The following ARHGEF10 variants were observed in gnomAD, a reference collection of about 807,000 sequenced individuals.
The protein encoded by ARHGEF10 is Rho guanine nucleotide exchange factor 10, also known as Rho guanine nucleotide exchange factor (GEF) 10.
A neutral mutation model predicts 147.4 loss-of-function variants in ARHGEF10; 140 were observed. The ratio of observed to expected loss-of-function variants is 0.95; its 90% CI spans 0.83 to 1.09. ARHGEF10 has a LOEUF of 1.09. Ranked by LOEUF, ARHGEF10 falls within the 50% of genes least tolerant of loss-of-function variation. The pLI is 0.00. For missense variants in ARHGEF10, 2,222 were observed against 1,752.7 expected (o/e 1.27, Z -4.78); for synonymous variants, 902 against 695.8 (o/e 1.30, Z -4.67).
chr8:1,924,181 G>T (rs112424374), intron 21 of ARHGEF10, among the ~76,000 whole-genome samples: 79 of 152,294 alleles, frequency 5.2e-4, no homozygotes, highest in African/African-American at 1.8e-3. Context: ...TGAGCCAGGT[G>T]CTCAAGGCGG....
At chr8:1,832,395 CAGAGAGAGGCAGAGGCAGAGACAG>C (rs1803182498) in intron 1 of ARHGEF10, among the ~76,000 whole-genome samples, 1 of 44,470 alleles carries the variant, frequency 2.2e-5, no homozygotes, top group Admixed American at 2.1e-4. Context: ...GAGGCAGAGA[CAGAGAGAGGCAGAGGCAGAGACAG>C]AGAGAGACAG....
chr8:1,930,815 C>T (rs1052386842), intron 25 of ARHGEF10, among the ~76,000 whole-genome samples: 1 of 152,026 alleles, frequency 6.6e-6, no homozygotes, highest in South Asian at 2.1e-4. Flanking sequence ...AAGGCCTGGA[C>T]TTCTTTCTCA....
chr8:1,909,343 G>C lies in ARHGEF10; in HGVS notation c.2016G>C (p.Lys672Asn). 8 of 1,614,236 alleles carry C rather than the reference G, an allele frequency of 5.0e-6. No individual in the cohort carries two copies. Among genetic ancestry groups the C allele is most frequent in the Non-Finnish European group, 5.9e-6 (7 of 1,180,040 alleles). ...RVMSSQRYLLKWSVPLGHVDA... is the reference protein window; with the variant it reads ...RVMSSQRYLLNWSVPLGHVDA... ...TGAGCAGCCAGAGGTACTTGCTGAA[G>C]TGGAGCGTTCCACTGGGACATGTGG... The change falls in exon 18 of 29, where the codon AAG becomes AAC. Residue 672 changes from lysine to asparagine, a missense_variant. Coordinates refer to ENST00000349830, the MANE Select transcript of ARHGEF10 (RefSeq NM_014629.4).
intron 7 of ARHGEF10, chr8:1,870,673 A>T (rs989021045): frequency 6.6e-6 from 1 of 152,252 alleles, no homozygotes; most frequent in African/African-American, 2.4e-5. Context: ...GATATATAAC[A>T]GTTCTAAACT....
rs78085261 is a variant in ARHGEF10, at chr8:1,834,953, C to T, written c.-47-8400C>T. On this transcript the variant is annotated intron_variant, in intron 1 of 28. Transcript: ENST00000349830. ...CTCCCGGGGTCTGTCCGCGGGGCCA[C>T]TTCACCCCCAGGTGGGAGGATGGAG... Among the ~76,000 whole-genome samples the T allele has an allele frequency of 9.7e-3, 1,481 of 152,332 alleles. 56 individuals carry two copies. Among genetic ancestry groups the T allele is most frequent in the East Asian group, 0.081 (417 of 5,164 alleles).
chr8:1,876,370 C>T (rs1807700964), intron 7 of ARHGEF10: 1 of 619,242 alleles, frequency 1.6e-6, no homozygotes, highest in South Asian at 1.9e-5. Flanking sequence ...TTTTCCCCAG[C>T]CTCCCCGGCC....
chr8:1,912,525 G>T (rs891792171), intron 18 of ARHGEF10, among the ~76,000 whole-genome samples: 1 of 152,060 alleles, frequency 6.6e-6, no homozygotes, highest in South Asian at 2.1e-4. Context: ...AGCACCGTGT[G>T]GATTGTGGGT....
intron 7 of ARHGEF10, 92 bp from the exon 8 acceptor site, chr8:1,876,479 C>G (rs998951746): frequency 1.5e-6 from 2 of 1,306,866 alleles, no homozygotes; most frequent in Non-Finnish European, 2.2e-6. Context: ...CCACCCCCAG[C>G]TCTAGATGAT....
intron 11 of ARHGEF10, among the ~76,000 whole-genome samples, chr8:1,887,400 G>C (rs1366073996): frequency 1.3e-5 from 2 of 152,214 alleles, no homozygotes; most frequent in African/African-American, 2.4e-5. Context: ...GAGTGTGAAA[G>C]AGGCGATGCC....
In ARHGEF10 at chr8:1,929,937, C is replaced by T. The variant is rs149674959; in HGVS notation, c.3079+494C>T. 4.6e-3 allele frequency among the ~76,000 whole-genome samples: 700 copies of T among 152,330 alleles called. 4 individuals carry two copies. Among genetic ancestry groups the T allele is most frequent in the East Asian group, 0.032 (163 of 5,170 alleles). ...AGACGAGGCCCTCCCTGGCCCATCC[C>T]GCCTGGTCCCCGCAGCCGCTGGGGG... is the stretch of plus-strand genomic sequence containing the variant. On this transcript the variant is annotated intron_variant, in intron 25 of 28. Coordinates refer to ENST00000349830, the MANE Select transcript of ARHGEF10 (RefSeq NM_014629.4).
chr8:1,920,373 A>AGT (rs1221620868), intron 18 of ARHGEF10, among the ~76,000 whole-genome samples: 18 of 152,160 alleles, frequency 1.2e-4, no homozygotes, highest in Admixed American at 2.6e-4. Flanking sequence ...CCCAGGCTGG[A>AGT]GTGCAGTGGC....
chr8:1,864,010 C>T (rs1386017345), intron 4 of ARHGEF10, among the ~76,000 whole-genome samples: 3 of 151,928 alleles, frequency 2.0e-5, no homozygotes, highest in Admixed American at 2.0e-4. Context: ...AGAGAACATC[C>T]CGTTTCTTTC....
chr8:1,841,577 G>C (rs141741358), intron 1 of ARHGEF10, among the ~76,000 whole-genome samples: 1 of 152,098 alleles, frequency 6.6e-6, no homozygotes, highest in Non-Finnish European at 1.5e-5. Context: ...GAGTGAACAC[G>C]CGGCTCCCTG....
chr8:1,826,589 A>G (rs545854239), intron 1 of ARHGEF10, among the ~76,000 whole-genome samples: 107 of 152,298 alleles, frequency 7.0e-4, no homozygotes, highest in African/African-American at 2.5e-3. Context: ...CGAAGTTGCT[A>G]GAAGGCGTTG....
At chr8:1,880,732 G>A (rs1347623492) in intron 9 of ARHGEF10, among the ~76,000 whole-genome samples, 3 of 152,292 alleles carry the variant, frequency 2.0e-5, no homozygotes, top group African/African-American at 4.8e-5. Flanking sequence ...TGTTCTGAGC[G>A]ATGTCTTTTA....
chr8:1,903,764 A>C, intron 16 of ARHGEF10: 1 of 418,972 alleles, frequency 2.4e-6, no homozygotes, highest in Non-Finnish European at 4.4e-6. Flanking sequence ...TTTCAAAATA[A>C]CGGTATTTAA....
intron 10 of ARHGEF10, among the ~76,000 whole-genome samples, chr8:1,884,175 C>T (rs1231725459): frequency 7.9e-5 from 12 of 152,014 alleles, no homozygotes; most frequent in African/African-American, 2.9e-4. Context: ...GGGCAGATCA[C>T]GAGGTCAGGA....
At chr8:1,830,036 A>G (rs966472766) in intron 1 of ARHGEF10, among the ~76,000 whole-genome samples, 1 of 152,220 alleles carries the variant, frequency 6.6e-6, no homozygotes, top group Non-Finnish European at 1.5e-5. Flanking sequence ...GCTCTCTGCC[A>G]GCCGTCAGAG....
chr8:1,882,780 G>C (rs753701151), intron 10 of ARHGEF10, 31 bp downstream of exon 10: 1 of 1,428,984 alleles, frequency 7.0e-7, no homozygotes, highest in Non-Finnish European at 9.5e-7. Flanking sequence ...TTGCGGGGAG[G>C]ACACGGGGTT....
Sources: gnomAD v4.1 joint callset for allele counts (sites outside exome capture counted in the v4.1 genomes callset) on GRCh38, gnomAD v4.1.1 for gene constraint, MANE v1.5 for transcripts, NCBI Gene and HGNC (gene_info 2026-07-23, HGNC 2026-07-21) for gene names.